The following GNA14 variants were observed in gnomAD, a reference collection of about 807,000 sequenced individuals.
GNA14 encodes G protein subunit alpha 14, also known as guanine nucleotide-binding protein subunit alpha-14.
A neutral mutation model predicts 42.0 loss-of-function variants in GNA14; 50 were observed. The observed-to-expected ratio is 1.19, with a 90% confidence interval of 0.95 to 1.51. The LOEUF (loss-of-function observed/expected upper bound fraction) is 1.51, where lower values mean the gene tolerates loss of function less well. Among genes scored for constraint, GNA14 ranks in the 40% most tolerant of loss-of-function variants. The pLI is 0.00. For synonymous variants in GNA14, 173 were observed against 163.1 expected, an observed-to-expected ratio of 1.06 and a Z score of -0.46; for missense variants, 473 against 446.2, an observed-to-expected ratio of 1.06 and a Z score of -0.54.
At chr9:77,497,165 G>A (rs561152164) in intron 2 of GNA14, among the ~76,000 whole-genome samples, 37 of 152,288 alleles carry the variant, frequency 2.4e-4, no homozygotes, top group African/African-American at 8.4e-4. Flanking sequence ...GACTCCACTG[G>A]AGTGCAGGTG....
chr9:77,473,684 G>T (rs1587783711), intron 2 of GNA14, among the ~76,000 whole-genome samples: 1 of 144,568 alleles, frequency 6.9e-6, no homozygotes, highest in Non-Finnish European at 1.5e-5. Context: ...AAGAAAACCA[G>T]AATAGCCAAA....
chr9:77,428,863 A>G, intron 5 of GNA14, 44 bp downstream of exon 5: 1 of 1,598,950 alleles, frequency 6.3e-7, no homozygotes, highest in Non-Finnish European at 8.5e-7. Flanking sequence ...ACCACAGAAT[A>G]GGCTCTGGCT....
At chr9:77,490,969 G>A (rs993333225) in intron 2 of GNA14, among the ~76,000 whole-genome samples, 5 of 152,214 alleles carry the variant, frequency 3.3e-5, no homozygotes, top group African/African-American at 1.2e-4. Flanking sequence ...CCTAAAAGCA[G>A]CAAGAGAAAA....
intron 1 of GNA14, among the ~76,000 whole-genome samples, chr9:77,542,200 A>T (rs1279944096): frequency 6.6e-6 from 1 of 152,170 alleles, no homozygotes; most frequent in Non-Finnish European, 1.5e-5. Context: ...AAGATATAAG[A>T]TATGTACATC....
intron 2 of GNA14, among the ~76,000 whole-genome samples, chr9:77,458,442 G>A (rs943570045): frequency 1.3e-5 from 2 of 152,164 alleles, no homozygotes; most frequent in Non-Finnish European, 2.9e-5. Context: ...ATGGATTAGT[G>A]ACTGGTGAGA....
intron 1 of GNA14, among the ~76,000 whole-genome samples, chr9:77,564,296 T>TAAAAA (rs71358612): frequency 7.4e-6 from 1 of 134,796 alleles, no homozygotes; most frequent in Non-Finnish European, 1.6e-5. Flanking sequence ...CAGCACAATT[T>TAAAAA]AAAAAAAAAA....
chr9:77,575,903 C>A (rs574794697), intron 1 of GNA14, among the ~76,000 whole-genome samples: 5 of 152,172 alleles, frequency 3.3e-5, no homozygotes, highest in African/African-American at 1.2e-4. Flanking sequence ...GTCAACACAG[C>A]CATCCCTAAA....
At chr9:77,488,260 G>A (rs537575692) in intron 2 of GNA14, among the ~76,000 whole-genome samples, 4 of 152,174 alleles carry the variant, frequency 2.6e-5, no homozygotes, top group East Asian at 1.9e-4. Flanking sequence ...CAATCTACCC[G>A]GCACCAAGTG....
chr9:77,534,666 C>T (rs899992735), intron 1 of GNA14, among the ~76,000 whole-genome samples: 12 of 152,230 alleles, frequency 7.9e-5, no homozygotes, highest in Admixed American at 5.9e-4. Context: ...CTGGATGTTG[C>T]TCATGCTGTC....
intron 2 of GNA14, among the ~76,000 whole-genome samples, chr9:77,477,844 A>G (rs1836458966): frequency 6.6e-6 from 1 of 152,174 alleles, no homozygotes; most frequent in African/African-American, 2.4e-5. Flanking sequence ...GAACATTTTA[A>G]AAGTTCAAAA....
At chr9:77,453,064 CAA>C (rs1228474433) in intron 2 of GNA14, among the ~76,000 whole-genome samples, 1 of 152,146 alleles carries the variant, frequency 6.6e-6, no homozygotes, top group Non-Finnish European at 1.5e-5. Flanking sequence ...GGCGTCAGCC[CAA>C]GAGTTCGAGG....
At chr9:77,618,597 TATATATATATATATATATA>T (rs1823861810) in intron 1 of GNA14, among the ~76,000 whole-genome samples, 3 of 11,592 alleles carry the variant, frequency 2.6e-4, no homozygotes, top group South Asian at 4.6e-3. Context: ...TATATATATA[TATATATATATATATATATA>T]TATATTTTTT....
chr9:77,609,780 G>A (rs1431408504), intron 1 of GNA14, among the ~76,000 whole-genome samples: 2 of 152,132 alleles, frequency 1.3e-5, no homozygotes, highest in Non-Finnish European at 2.9e-5. Flanking sequence ...GGCATGCTGA[G>A]CGCTTTGAAC....
chr9:77,492,634 G>T (rs1042271668), intron 2 of GNA14, among the ~76,000 whole-genome samples: 1 of 151,918 alleles, frequency 6.6e-6, no homozygotes, highest in South Asian at 2.1e-4. Flanking sequence ...AAACCCTAAC[G>T]CAATGTATAG....
chr9:77,615,211 G>T (rs1347963676), intron 1 of GNA14, among the ~76,000 whole-genome samples: 1 of 152,034 alleles, frequency 6.6e-6, no homozygotes, highest in Non-Finnish European at 1.5e-5. Flanking sequence ...GATTCCTTCA[G>T]TCTCCAAATT....
intron 2 of GNA14, among the ~76,000 whole-genome samples, chr9:77,459,613 C>A (rs1836070235): frequency 6.6e-6 from 1 of 152,196 alleles, no homozygotes; most frequent in East Asian, 1.9e-4. Flanking sequence ...TTCCTGAGCT[C>A]TCCACTGTCA....
intron 2 of GNA14, among the ~76,000 whole-genome samples, chr9:77,480,562 T>A (rs1283552301): frequency 2.0e-5 from 3 of 152,220 alleles, no homozygotes; most frequent in African/African-American, 7.2e-5. Context: ...GCTGGCCTCA[T>A]AAAATGAGTT....
intron 1 of GNA14, among the ~76,000 whole-genome samples, chr9:77,583,405 G>A (rs1395386543): frequency 6.6e-6 from 1 of 152,202 alleles, no homozygotes; most frequent in Non-Finnish European, 1.5e-5. Context: ...AAGGAATCTG[G>A]ACTCCTCTGA....
chr9:77,582,196 G>C (rs905606494), intron 1 of GNA14, among the ~76,000 whole-genome samples: 1 of 152,100 alleles, frequency 6.6e-6, no homozygotes, highest in African/African-American at 2.4e-5. Flanking sequence ...TCCAATCCTG[G>C]ATTGATCCCA....
Sources: allele counts gnomAD v4.1 joint callset (sites outside exome capture counted in the v4.1 genomes callset), GRCh38; gene constraint gnomAD v4.1.1; transcripts MANE v1.5; gene names NCBI Gene and HGNC (gene_info 2026-07-23, HGNC 2026-07-21).